GSE1: variants seen among roughly 807,000 people sequenced by gnomAD.
GSE1 encodes the protein Gse1 coiled-coil protein.
Under a neutral mutation model 112.6 loss-of-function variants are expected in GSE1, and 32 were observed. The ratio of observed to expected loss-of-function variants is 0.28; its 90% CI spans 0.21 to 0.38. The LOEUF is 0.38. GSE1 is among the 10% of genes least tolerant of loss of function. The pLI, the probability that GSE1 is intolerant of heterozygous loss-of-function variation, is 1.00. For missense variants in GSE1, 2,348 were observed against 1,699.2 expected (o/e 1.38, Z -6.71); for synonymous variants, 1,115 against 735.6 (o/e 1.52, Z -8.35).
At chr16:85,383,406 A>T (rs4783189) in intron 2 of GSE1, among the ~76,000 whole-genome samples, 1 of 151,796 alleles carries the variant, frequency 6.6e-6, no homozygotes, top group African/African-American at 2.4e-5. Flanking sequence ...ACATGCACAC[A>T]CACGCACACA....
At chr16:85,651,583 C>T (rs1045154024) in intron 3 of GSE1, among the ~76,000 whole-genome samples, 8 of 152,184 alleles carry the variant, frequency 5.3e-5, no homozygotes, top group Non-Finnish European at 7.4e-5. Context: ...CCGTTTGACC[C>T]GGCCCACGGC....
At chr16:85,369,638 T>C (rs996431376) in intron 2 of GSE1, among the ~76,000 whole-genome samples, 5 of 152,182 alleles carry the variant, frequency 3.3e-5, no homozygotes, top group Non-Finnish European at 5.9e-5. Flanking sequence ...CATCTCAAGA[T>C]TCCAACTCAT....
chr16:85,428,172 C>T (rs2049035439), intron 2 of GSE1, among the ~76,000 whole-genome samples: 1 of 152,340 alleles, frequency 6.6e-6, no homozygotes, highest in Admixed American at 6.5e-5. Context: ...AGATCCCAGG[C>T]AGGAGGGAGA....
At chr16:85,203,303 G>A (rs77494068) in intron 1 of GSE1, among the ~76,000 whole-genome samples, 7,986 of 152,234 alleles carry the variant, frequency 0.052, 278 homozygotes, top group East Asian at 0.14. Context: ...CTGGGCAGGT[G>A]GGGTCCTGGT....
chr16:85,610,632 G>T (rs903533863), upstream of GSE1, among the ~76,000 whole-genome samples: 1 of 152,232 alleles, frequency 6.6e-6, no homozygotes, highest in Non-Finnish European at 1.5e-5. Flanking sequence ...AGCCCGCCTG[G>T]TGGCCGCCAG....
rs768355218 is a variant in GSE1 at position 85,663,462 on chromosome 16, C to T, written c.2492C>T (p.Thr831Ile). Residue 831 changes from threonine to isoleucine, a missense_variant, in exon 11 of 16, where the codon ACA (threonine) becomes ATA (isoleucine). Thr to Ile is a moderately conservative substitution (Grantham distance 89). Transcript: ENST00000253458. ...CGAGAGAGAAGCCCGTCGCCCCCAACAATTCAGAGCAAGCGGCAGACGCCT... is the reference window on the plus strand; with the variant it reads ...CGAGAGAGAAGCCCGTCGCCCCCAATAATTCAGAGCAAGCGGCAGACGCCT... ...MLRERSPSPP[T>I]IQSKRQTPSP... 3.1e-6 allele frequency: 5 copies of T among 1,613,964 alleles called. No individual in the cohort carries two copies. Among genetic ancestry groups the T allele is most frequent in the Non-Finnish European group, 4.2e-6 (5 of 1,180,042 alleles).
intron 2 of GSE1, among the ~76,000 whole-genome samples, chr16:85,535,989 A>T (rs1191427396): frequency 6.6e-6 from 1 of 152,276 alleles, no homozygotes; most frequent in East Asian, 1.9e-4. Flanking sequence ...TTTGGGATTC[A>T]AAGATGGAAG....
intron 1 of GSE1, among the ~76,000 whole-genome samples, chr16:85,629,087 T>C (rs1357754717): frequency 7.9e-5 from 12 of 152,242 alleles, no homozygotes; most frequent in Non-Finnish European, 1.5e-5. Flanking sequence ...CTCTCACCAC[T>C]GGATGTGCTG....
chr16:85,525,977 C>T (rs926514379), intron 2 of GSE1, among the ~76,000 whole-genome samples: 37 of 152,262 alleles, frequency 2.4e-4, no homozygotes, highest in South Asian at 2.1e-4. Flanking sequence ...TTGACTCTGC[C>T]GGGGTAGAAA....
intron 1 of GSE1, among the ~76,000 whole-genome samples, chr16:85,302,478 A>G (rs887323410): frequency 1.3e-5 from 2 of 151,462 alleles, no homozygotes; most frequent in Middle Eastern, 3.2e-3. Context: ...ACACACCGAT[A>G]GTACTGCTAT....
intron 1 of GSE1, among the ~76,000 whole-genome samples, chr16:85,303,407 G>T (rs1049189117): frequency 6.6e-6 from 1 of 152,212 alleles, no homozygotes; most frequent in Non-Finnish European, 1.5e-5. Context: ...CCCACCTGTC[G>T]GTCTGACGGT....
chr16:85,381,298 T>C (rs2047541217), intron 2 of GSE1, among the ~76,000 whole-genome samples: 1 of 152,272 alleles, frequency 6.6e-6, no homozygotes, highest in Admixed American at 6.5e-5. Context: ...CATCCCTTTT[T>C]ATGGCCGAAT....
intron 2 of GSE1, among the ~76,000 whole-genome samples, chr16:85,635,086 A>C (rs1206216770): frequency 6.6e-6 from 1 of 152,080 alleles, no homozygotes; most frequent in Non-Finnish European, 1.5e-5. Flanking sequence ...CCGTCTTTAC[A>C]TTACCCGGGT....
At chr16:85,614,453 A>AG (rs1476318845) in intron 1 of GSE1, among the ~76,000 whole-genome samples, 3 of 150,784 alleles carry the variant, frequency 2.0e-5, no homozygotes, top group South Asian at 2.2e-4. Flanking sequence ...GTGGGGGACC[A>AG]GGGGGGCACT....
chr16:85,614,057 C>A (rs1303796579), intron 1 of GSE1, among the ~76,000 whole-genome samples: 2 of 151,206 alleles, frequency 1.3e-5, no homozygotes, highest in East Asian at 2.0e-4. Context: ...CTCTCTCCCC[C>A]CACCCCCGGC....
chr16:85,316,026 G>A (rs897822665), intron 1 of GSE1, among the ~76,000 whole-genome samples: 58 of 152,310 alleles, frequency 3.8e-4, no homozygotes, highest in African/African-American at 1.3e-3. Flanking sequence ...CTGCGTCAGC[G>A]CTCAGAGCCA....
chr16:85,637,499 C>T (rs914430431), intron 2 of GSE1, among the ~76,000 whole-genome samples: 2 of 151,588 alleles, frequency 1.3e-5, no homozygotes, highest in African/African-American at 4.9e-5. Context: ...GTATCGAGTC[C>T]CCCCTTGATC....
chr16:85,250,718 A>G (rs1906376757), intron 1 of GSE1, among the ~76,000 whole-genome samples: 1 of 152,156 alleles, frequency 6.6e-6, no homozygotes, highest in Admixed American at 6.5e-5. Flanking sequence ...TGTAGAGTTT[A>G]GTGGTTTTGA....
At chr16:85,512,525 A>C (rs1271200346) in intron 2 of GSE1, among the ~76,000 whole-genome samples, 2 of 152,084 alleles carry the variant, frequency 1.3e-5, no homozygotes, top group African/African-American at 4.8e-5. Flanking sequence ...CCCTTCCCCA[A>C]GATTTTTTCG....
Sources: gnomAD v4.1 joint callset for allele counts (sites outside exome capture counted in the v4.1 genomes callset) on GRCh38, gnomAD v4.1.1 for gene constraint, MANE v1.5 for transcripts, NCBI Gene and HGNC (gene_info 2026-07-23, HGNC 2026-07-21) for gene names.